The following RIMS2 variants were observed in gnomAD, a reference collection of about 807,000 sequenced individuals.
The protein encoded by RIMS2 is regulating synaptic membrane exocytosis 2.
In RIMS2, 59 loss-of-function variants were observed where a neutral mutation model predicts 174.4. The observed-to-expected ratio is 0.34, with a 90% CI of 0.27 to 0.42. The LOEUF is 0.42. Ranked by LOEUF, RIMS2 falls within the 10% of genes least tolerant of loss-of-function variation. RIMS2 has a pLI of 1.00. For synonymous variants in RIMS2, 606 were observed against 572.5 expected (o/e 1.06, Z -0.84); for missense variants, 1,620 against 1,666.3 (o/e 0.97, Z 0.48).
intron 19 of RIMS2, among the ~76,000 whole-genome samples, chr8:104,145,671 C>CAATA (rs61691382): frequency 0.085 from 11,282 of 132,568 alleles, 529 homozygotes; most frequent in African/African-American, 0.1. Flanking sequence ...ACTAAAAATA[C>CAATA]AATAAATAAA....
intron 19 of RIMS2, among the ~76,000 whole-genome samples, chr8:104,184,749 T>C (rs551688967): frequency 6.6e-6 from 1 of 151,644 alleles, no homozygotes; most frequent in African/African-American, 2.4e-5. Flanking sequence ...ATGGACTTCC[T>C]AGAAATCCTT....
chr8:103,931,496 A>G (rs2079927238), intron 12 of RIMS2, 103 bp downstream of exon 14: 5 of 716,144 alleles, frequency 7.0e-6, no homozygotes, highest in Non-Finnish European at 1.1e-5. Context: ...CATACTAGTG[A>G]GATATGTGAA....
chr8:103,907,991 G>A (rs1208237154), intron 4 of RIMS2, among the ~76,000 whole-genome samples: 1 of 151,206 alleles, frequency 6.6e-6, no homozygotes, highest in Admixed American at 6.6e-5. Flanking sequence ...CTCGAGATCC[G>A]CCCGCCTCGG....
At chr8:103,906,812 A>G (rs1434240556) in intron 4 of RIMS2, among the ~76,000 whole-genome samples, 4 of 152,136 alleles carry the variant, frequency 2.6e-5, no homozygotes, top group African/African-American at 9.7e-5. Context: ...ACAATACTGT[A>G]TTTTGAAAGG....
At chr8:104,222,517 C>T (rs1241688108) in intron 19 of RIMS2, among the ~76,000 whole-genome samples, 4 of 152,204 alleles carry the variant, frequency 2.6e-5, no homozygotes, top group Non-Finnish European at 5.9e-5. Context: ...TACCTTCCCA[C>T]TTCCCTAGAT....
intron 19 of RIMS2, among the ~76,000 whole-genome samples, chr8:104,108,291 C>G (rs2098115718): frequency 6.6e-6 from 1 of 151,868 alleles, no homozygotes; most frequent in Non-Finnish European, 1.5e-5. Flanking sequence ...TGTATCATAT[C>G]TCACTGCATG....
At chr8:104,164,970 TAAAAA>T (rs988154683) in intron 19 of RIMS2, among the ~76,000 whole-genome samples, 2 of 151,814 alleles carry the variant, frequency 1.3e-5, no homozygotes, top group Non-Finnish European at 2.9e-5. Flanking sequence ...AAATACAAGT[TAAAAA>T]AAAGAGATGG....
At chr8:103,695,003 C>T (rs1158437631) in intron 1 of RIMS2, among the ~76,000 whole-genome samples, 1 of 152,176 alleles carries the variant, frequency 6.6e-6, no homozygotes, top group East Asian at 1.9e-4. Context: ...TGCCTAGCAC[C>T]TCATTTTATT....
At chr8:103,733,211 A>G (rs1462328051) in intron 2 of RIMS2, among the ~76,000 whole-genome samples, 1 of 152,056 alleles carries the variant, frequency 6.6e-6, no homozygotes, top group Non-Finnish European at 1.5e-5. Flanking sequence ...AGGTGTGTCT[A>G]GCAATGTTGT....
At chr8:103,509,564 A>T (rs1341304882) in intron 1 of RIMS2, among the ~76,000 whole-genome samples, 2 of 152,116 alleles carry the variant, frequency 1.3e-5, no homozygotes. Flanking sequence ...GTTGGTGAAG[A>T]TTCTGTGCAT....
intron 19 of RIMS2, among the ~76,000 whole-genome samples, chr8:104,034,688 T>C (rs568167256): frequency 2.5e-4 from 38 of 152,082 alleles, no homozygotes; most frequent in African/African-American, 9.2e-4. Context: ...CAGGATGGTC[T>C]CAAACTCCTG....
chr8:103,728,109 A>G (rs188149163), intron 2 of RIMS2, among the ~76,000 whole-genome samples: 122 of 152,094 alleles, frequency 8.0e-4, no homozygotes, highest in African/African-American at 2.7e-3. Flanking sequence ...GTTCTCTTCA[A>G]TTTCCTCCAT....
intron 19 of RIMS2, among the ~76,000 whole-genome samples, chr8:104,020,705 T>C (rs1186092908): frequency 6.6e-6 from 1 of 152,008 alleles, no homozygotes; most frequent in South Asian, 2.1e-4. Context: ...TGAATTATTT[T>C]AAAAACATTT....
At chr8:103,722,556 C>T (rs1317001919) in intron 2 of RIMS2, among the ~76,000 whole-genome samples, 8 of 152,002 alleles carry the variant, frequency 5.3e-5, no homozygotes, top group Admixed American at 1.3e-4. Flanking sequence ...AATCTAATGC[C>T]GACACTGATC....
chr8:103,889,487 T>C (rs1594625739), intron 4 of RIMS2, among the ~76,000 whole-genome samples: 1 of 151,836 alleles, frequency 6.6e-6, no homozygotes, highest in East Asian at 1.9e-4. Flanking sequence ...CAACACTTTA[T>C]AAATAGCACC....
chr8:104,211,242 C>T (rs913197946), intron 19 of RIMS2, among the ~76,000 whole-genome samples: 1 of 151,910 alleles, frequency 6.6e-6, no homozygotes, highest in African/African-American at 2.4e-5. Context: ...ATAAATATAC[C>T]TTGCAATAAT....
intron 19 of RIMS2, among the ~76,000 whole-genome samples, chr8:104,118,449 C>T (rs572374126): frequency 2.0e-5 from 3 of 151,060 alleles, no homozygotes; most frequent in African/African-American, 7.3e-5. Flanking sequence ...TCACTGCAGC[C>T]TCCATCTCCC....
At chr8:103,603,447 A>G (rs9642992) in intron 1 of RIMS2, among the ~76,000 whole-genome samples, 112,506 of 145,834 alleles carry the variant, frequency 0.77, 43,692 homozygotes, top group East Asian at 0.88. Context: ...GAATAATGCC[A>G]CAATAAACAT....
At chr8:103,981,597 T>A (rs1295338644) in intron 16 of RIMS2, among the ~76,000 whole-genome samples, 1 of 152,068 alleles carries the variant, frequency 6.6e-6, no homozygotes. Context: ...AGATAGAAAA[T>A]TCAAAACTGC....
Sources: gnomAD v4.1 joint callset for allele counts (sites outside exome capture counted in the v4.1 genomes callset) on GRCh38, gnomAD v4.1.1 for gene constraint, MANE v1.5 for transcripts, NCBI Gene and HGNC (gene_info 2026-07-23, HGNC 2026-07-21) for gene names.